The following PIAS1 variants were observed in gnomAD, a reference collection of about 807,000 sequenced individuals.
The protein encoded by PIAS1 is E3 SUMO-protein ligase PIAS1.
In PIAS1, 6 loss-of-function variants were observed where a neutral mutation model predicts 71.3. The ratio of observed to expected loss-of-function variants is 0.08; its 90% CI spans 0.05 to 0.17. The LOEUF is 0.17. Ranked by LOEUF, PIAS1 falls within the 10% of genes least tolerant of loss-of-function variation. The probability of loss-of-function intolerance (pLI) is 1.00; values close to 1 mark genes in which losing one functional copy is unlikely to be tolerated. For synonymous variants in PIAS1, 303 were observed against 292.9 expected, an observed-to-expected ratio of 1.03 and a Z score of -0.35; for missense variants, 555 against 793.6, an observed-to-expected ratio of 0.70 and a Z score of 3.61.
chr15:68,158,792 A>C (rs2092906931), intron 7 of PIAS1, among the ~76,000 whole-genome samples: 1 of 152,204 alleles, frequency 6.6e-6, no homozygotes, highest in Admixed American at 6.5e-5. Context: ...AATGAAGGAT[A>C]GAAATTATCT....
chr15:68,155,083 A>G (rs2092877821), intron 7 of PIAS1, among the ~76,000 whole-genome samples: 1 of 152,184 alleles, frequency 6.6e-6, no homozygotes, highest in Admixed American at 6.5e-5. Context: ...AGTAACAGCA[A>G]CAACAACAAT....
chr15:68,055,119 G>C, intron 1 of PIAS1: 1 of 685,778 alleles, frequency 1.5e-6, no homozygotes, highest in Non-Finnish European at 1.8e-6. Context: ...AGTGTTGGGA[G>C]GGGGGGATGC....
At chr15:68,136,834 A>G (rs1272654332) in intron 2 of PIAS1, among the ~76,000 whole-genome samples, 3 of 152,226 alleles carry the variant, frequency 2.0e-5, no homozygotes, top group Admixed American at 6.5e-5. Flanking sequence ...TGGAGGAAAT[A>G]TTTGTAGCAA....
intron 2 of PIAS1, among the ~76,000 whole-genome samples, chr15:68,110,278 A>T (rs1303973692): frequency 1.3e-5 from 2 of 152,160 alleles, no homozygotes; most frequent in Non-Finnish European, 2.9e-5. Flanking sequence ...AAATATTTTA[A>T]TATATAGAAA....
At chr15:68,148,573 C>G (rs961429161) in intron 6 of PIAS1, among the ~76,000 whole-genome samples, 1 of 152,036 alleles carries the variant, frequency 6.6e-6, no homozygotes, top group African/African-American at 2.4e-5. Flanking sequence ...GGATTACAGG[C>G]ACCTGCCACT....
intron 6 of PIAS1, among the ~76,000 whole-genome samples, chr15:68,152,245 G>T (rs953925920): frequency 6.6e-6 from 1 of 151,942 alleles, no homozygotes; most frequent in African/African-American, 2.4e-5. Flanking sequence ...CCCTGCTCCC[G>T]GCTGGGAAAG....
chr15:68,158,602 A>G (rs1309368401), intron 7 of PIAS1, among the ~76,000 whole-genome samples: 1 of 152,126 alleles, frequency 6.6e-6, no homozygotes, highest in Non-Finnish European at 1.5e-5. Flanking sequence ...TGCTCAGCAC[A>G]GTGCCACATA....
At chr15:68,112,896 C>A (rs538967813) in intron 2 of PIAS1, among the ~76,000 whole-genome samples, 1 of 152,090 alleles carries the variant, frequency 6.6e-6, no homozygotes, top group Non-Finnish European at 1.5e-5. Flanking sequence ...CACCCACATA[C>A]AACCAGGGAG....
Position 68,086,820 on chromosome 15 carries a change from A to G in PIAS1, c.469+70A>G. 1.2e-6 allele frequency: 1 copy of G among 846,264 alleles called. No individual in the cohort carries two copies. The highest frequency in any genetic ancestry group is 1.9e-6 in the Non-Finnish European group (1 of 532,930). The allele number at this position is 846,264 out of a possible 1,614,324, so 52.4% of individuals were successfully genotyped here. A position where few individuals can be genotyped will look rare whatever the true frequency, so the allele number is the denominator to read the frequency against. Reference sequence around the variant, plus strand: ...ATTTTCGTTTTAGGCTTTTACTTTGACCCAGTTTATTATTCATAATGAAAT... The same window carrying G: ...ATTTTCGTTTTAGGCTTTTACTTTGGCCCAGTTTATTATTCATAATGAAAT... On this transcript the variant is annotated intron_variant, in intron 2 of 13. Transcript: ENST00000249636. The surrounding 1 kb of genome is among the most constrained non-coding windows in gnomAD (Gnocchi z 7.2).
intron 6 of PIAS1, among the ~76,000 whole-genome samples, chr15:68,147,871 GA>G (rs2092819093): frequency 6.6e-6 from 1 of 151,250 alleles, no homozygotes; most frequent in African/African-American, 2.4e-5. Flanking sequence ...GTGTGTTTCT[GA>G]TCTTTTTCTA....
rs542708247 is a variant in PIAS1 at position 68,075,889 on chromosome 15, A to G, written c.25-10417A>G. On this transcript the variant is annotated intron_variant, in intron 1 of 13. Coordinates refer to ENST00000249636, the MANE Select transcript of PIAS1 (RefSeq NM_016166.3). Reference sequence around the variant, plus strand: ...CTCGGCCCCCCGGGGTTCAAGTGCTATTCCTGCCTCAGCCTCTCAAGTAGC... The same window carrying G: ...CTCGGCCCCCCGGGGTTCAAGTGCTGTTCCTGCCTCAGCCTCTCAAGTAGC... Among the ~76,000 whole-genome samples, 27 of 150,184 alleles carry G rather than the reference A, an allele frequency of 1.8e-4. 1 individual carries two copies. The highest frequency in any genetic ancestry group is 8.4e-4 in the South Asian group (4 of 4,784).
At chr15:68,089,255 A>G (rs2092313167) in intron 2 of PIAS1, among the ~76,000 whole-genome samples, 1 of 152,224 alleles carries the variant, frequency 6.6e-6, no homozygotes, top group African/African-American at 2.4e-5. Context: ...AAAACAATTT[A>G]AAATAATTTT....
chr15:68,126,819 G>T (rs1248783038), intron 2 of PIAS1, among the ~76,000 whole-genome samples: 1 of 136,078 alleles, frequency 7.3e-6, no homozygotes, highest in Non-Finnish European at 1.6e-5. Flanking sequence ...ATCTCTGCCT[G>T]TTCCCAGCTA....
chr15:68,065,504 T>G (rs182988911), intron 1 of PIAS1, among the ~76,000 whole-genome samples: 2 of 151,590 alleles, frequency 1.3e-5, no homozygotes, highest in Non-Finnish European at 2.9e-5. Flanking sequence ...AGTGGTAGGA[T>G]TTTTTGATCC....
chr15:68,076,797 G>A (rs939470018), intron 1 of PIAS1, among the ~76,000 whole-genome samples: 4 of 152,098 alleles, frequency 2.6e-5, no homozygotes, highest in Non-Finnish European at 5.9e-5. Flanking sequence ...TCATCTGTTG[G>A]GCACTTACTT....
rs1181625576 is a variant in PIAS1, at chr15:68,173,697, A to G, written c.1009-35A>G. 7 of 1,449,764 alleles carry G rather than the reference A, an allele frequency of 4.8e-6. No individual in the cohort carries two copies. The East Asian group carries it at 7.1e-5, about 15-fold the overall frequency. The allele number at this position is 1,449,764 out of a possible 1,614,324, so 89.8% of individuals were successfully genotyped here. A position where few individuals can be genotyped will look rare whatever the true frequency, so the allele number is the denominator to read the frequency against. Reference sequence around the variant, plus strand: ...GTCAAAGCTTAAATGTTGAATAGCAATTATCTAATATTTACTTTTTCTCCC... The same window carrying G: ...GTCAAAGCTTAAATGTTGAATAGCAGTTATCTAATATTTACTTTTTCTCCC... On this transcript the variant is annotated intron_variant, in intron 8 of 13. Transcript: ENST00000249636. This position sits in a 1 kb window ranked among gnomAD's most constrained non-coding sequence, Gnocchi z 4.3.
In PIAS1 at chr15:68,187,683, C is replaced by A; in HGVS notation, c.1804C>A (p.Pro602Thr). ...AAGTGCAGGAGGCAGTACTTCTCTGCCAACCACCAATGGAAGCAGTAGTGG... is the reference window on the plus strand; with the variant it reads ...AAGTGCAGGAGGCAGTACTTCTCTGACAACCACCAATGGAAGCAGTAGTGG... ...QLSAGGSTSL[P>T]TTNGSSSGSN... The change falls in exon 14 of 14, where the codon CCA becomes ACA. Residue 602 changes from proline (P) to threonine (T), a missense_variant. Around this residue, in one of 5 missense-constraint regions of PIAS1, gnomAD observed 244 missense variants for 307.5 expected, o/e 0.79. Coordinates refer to ENST00000249636, the MANE Select transcript of PIAS1 (RefSeq NM_016166.3). This position sits in a 1 kb window ranked among gnomAD's most constrained non-coding sequence, Gnocchi z 5.3. The A allele has an allele frequency of 6.2e-7, 1 of 1,613,986 alleles. No individual in the cohort carries two copies. The highest frequency in any genetic ancestry group is 8.5e-7 in the Non-Finnish European group (1 of 1,179,884).
Position 68,054,337 on chromosome 15 carries a change from G to T in PIAS1, c.11G>T (p.Ser4Ile), listed in dbSNP as rs1345641642. The T allele has an allele frequency of 1.3e-6, 2 of 1,577,824 alleles. No individual in the cohort carries two copies. Among genetic ancestry groups the T allele is most frequent in the Non-Finnish European group, 1.7e-6 (2 of 1,162,546 alleles). The change falls in exon 1 of 14, where the codon AGT becomes ATT. Residue 4 changes from serine to isoleucine, a missense_variant. Coordinates refer to ENST00000249636, the MANE Select transcript of PIAS1 (RefSeq NM_016166.3). This position sits in a 1 kb window ranked among gnomAD's most constrained non-coding sequence, Gnocchi z 4.6. ...GCTGACAGACGCAAGATGGCGGACA[G>T]TGCGGAACTAAAGGTAAAGCGCAGC... Reference protein sequence around the residue: MADSAELKQMVMSL... With the variant: MADIAELKQMVMSL...
At chr15:68,175,042 A>C (rs1484063858) in intron 9 of PIAS1, among the ~76,000 whole-genome samples, 1 of 152,190 alleles carries the variant, frequency 6.6e-6, no homozygotes, top group Non-Finnish European at 1.5e-5. Context: ...GAAAATAAAA[A>C]GCTTTTTTCG....
Sources: allele counts gnomAD v4.1 joint callset (sites outside exome capture counted in the v4.1 genomes callset), GRCh38; gene constraint gnomAD v4.1.1; regional missense constraint gnomAD v4.1.1; non-coding constraint Gnocchi (gnomAD v3.1); transcripts MANE v1.5; gene names NCBI Gene and HGNC (gene_info 2026-07-23, HGNC 2026-07-21).